Variants in MYH10 observed in about 807,000 individuals in gnomAD.
The protein encoded by MYH10 is myosin heavy chain 10.
Under a neutral mutation model 257.8 loss-of-function variants are expected in MYH10, and 55 were observed. The ratio of observed to expected loss-of-function variants is 0.21; its 90% CI spans 0.17 to 0.27. The LOEUF (loss-of-function observed/expected upper bound fraction) is 0.27. Among genes scored for constraint, MYH10 ranks in the 10% least tolerant of loss-of-function variants. The pLI, the probability that MYH10 is intolerant of heterozygous loss-of-function variation, is 1.00. For missense variants in MYH10, 1,631 were observed against 2,500.6 expected (o/e 0.65, Z 7.42); for synonymous variants, 854 against 921.7 (o/e 0.93, Z 1.33).
chr17:8,556,559 A>G (rs1475011072), intron 7 of MYH10, among the ~76,000 whole-genome samples: 1 of 152,234 alleles, frequency 6.6e-6, no homozygotes, highest in Non-Finnish European at 1.5e-5. Flanking sequence ...GACATGCCAG[A>G]CGTTACTGAA....
intron 1 of MYH10, among the ~76,000 whole-genome samples, chr17:8,630,163 C>G (rs1052758615): frequency 6.6e-6 from 1 of 151,758 alleles, no homozygotes; most frequent in Non-Finnish European, 1.5e-5. Flanking sequence ...TTTCCAGCCC[C>G]GCTTAGAATC....
At chr17:8,539,054 T>G (rs975192813) in intron 14 of MYH10, among the ~76,000 whole-genome samples, 2 of 152,166 alleles carry the variant, frequency 1.3e-5, no homozygotes, top group African/African-American at 4.8e-5. Flanking sequence ...CCATTTCTTA[T>G]GAGCCCCCCC....
intron 7 of MYH10, among the ~76,000 whole-genome samples, chr17:8,564,994 C>A (rs546034198): frequency 6.6e-6 from 1 of 152,132 alleles, no homozygotes; most frequent in Non-Finnish European, 1.5e-5. Flanking sequence ...TTGGCCTGGA[C>A]GTGGGCCATG....
At position 8,487,604 on chromosome 17, in the gene MYH10, A is replaced by G. The variant is rs753853808; in HGVS notation, c.4885-10T>C. 1 of 1,614,066 alleles carries G rather than the reference A, an allele frequency of 6.2e-7. No individual in the cohort carries two copies. The highest frequency in any genetic ancestry group is 1.3e-5 in the African/African-American group (1 of 75,042). ...CCTCGAGCTCCCGCACCTAATGGAC[A>G]ACATCGGGTTATGCTGGGTTACATC... On this transcript the variant is annotated splice_polypyrimidine_tract_variant and intron_variant, in intron 35 of 42. Coordinates refer to ENST00000360416, the MANE Select transcript of MYH10 (RefSeq NM_001256012.3).
chr17:8,585,894 G>A (rs2083900024), intron 4 of MYH10, among the ~76,000 whole-genome samples: 2 of 152,144 alleles, frequency 1.3e-5, no homozygotes, highest in Admixed American at 1.3e-4. Flanking sequence ...AAGTACTTAG[G>A]GGACAGTGTA....
chr17:8,567,332 A>G (rs140863939), intron 7 of MYH10, among the ~76,000 whole-genome samples: 147 of 152,352 alleles, frequency 9.6e-4, no homozygotes, highest in African/African-American at 3.4e-3. Context: ...AGCTAAATTA[A>G]TTACTAAATG....
At chr17:8,625,809 G>A (rs2085653634) in intron 1 of MYH10, among the ~76,000 whole-genome samples, 1 of 152,150 alleles carries the variant, frequency 6.6e-6, no homozygotes, top group Admixed American at 6.6e-5. Flanking sequence ...TTTCTAACAA[G>A]TTCCCAGATG....
At chr17:8,502,515 C>G (rs968707156) in intron 28 of MYH10, among the ~76,000 whole-genome samples, 13 of 97,856 alleles carry the variant, frequency 1.3e-4, no homozygotes, top group African/African-American at 3.7e-4. Flanking sequence ...TTCCTCATCC[C>G]TACTTAAATC....
chr17:8,622,036 G>A (rs757348615), intron 2 of MYH10, among the ~76,000 whole-genome samples: 5 of 152,130 alleles, frequency 3.3e-5, no homozygotes, highest in Non-Finnish European at 7.4e-5. Flanking sequence ...CTGATTTACT[G>A]AAGTTTTGAA....
At chr17:8,494,628 G>A (rs1222040423) in intron 31 of MYH10, among the ~76,000 whole-genome samples, 1 of 152,048 alleles carries the variant, frequency 6.6e-6, no homozygotes, top group Non-Finnish European at 1.5e-5. Flanking sequence ...AAACTAAGCT[G>A]TAAAACTCCA....
intron 6 of MYH10, among the ~76,000 whole-genome samples, chr17:8,573,388 C>G (rs539307574): frequency 2.6e-5 from 4 of 152,292 alleles, no homozygotes; most frequent in Non-Finnish European, 4.4e-5. Context: ...GGCAGGCTCT[C>G]TATCACCTTT....
intron 36 of MYH10, among the ~76,000 whole-genome samples, chr17:8,486,378 AT>A (rs538707356): frequency 6.2e-4 from 95 of 152,292 alleles, no homozygotes; most frequent in African/African-American, 2.1e-3. Context: ...TATAGTTTAT[AT>A]TCTTTGTAAT....
intron 35 of MYH10, among the ~76,000 whole-genome samples, chr17:8,489,741 ACACACC>A (rs1915466676): frequency 1.3e-5 from 2 of 148,880 alleles, no homozygotes; most frequent in Admixed American, 6.7e-5. Context: ...ACACACACAC[ACACACC>A]CCAAATCCAA....
rs192631079 is a variant in MYH10, at chr17:8,618,916, C to T, written c.345+3986G>A. ...TTTTACCATTGGCAACAAATACAGT[C>T]GGTTGTTTTCTTTGAAGTGACAGGC... On this transcript the variant is annotated intron_variant, in intron 2 of 42. Transcript: ENST00000360416. 3.9e-4 allele frequency among the ~76,000 whole-genome samples: 60 copies of T among 152,284 alleles called. 1 individual carries two copies. The highest frequency in any genetic ancestry group is 1.3e-3 in the African/African-American group (53 of 41,562).
At chr17:8,485,433 A>G (rs899729849) in intron 36 of MYH10, among the ~76,000 whole-genome samples, 1 of 151,354 alleles carries the variant, frequency 6.6e-6, no homozygotes, top group Non-Finnish European at 1.5e-5. Context: ...CATCAACACA[A>G]TAAACTATCA....
chr17:8,481,887 C>T (rs1446558541), intron 37 of MYH10, among the ~76,000 whole-genome samples: 1 of 152,176 alleles, frequency 6.6e-6, no homozygotes, highest in African/African-American at 2.4e-5. Flanking sequence ...ATCAATGCTC[C>T]CATGGAGAGG....
At chr17:8,575,538 T>C (rs1261959274) in intron 6 of MYH10, among the ~76,000 whole-genome samples, 1 of 152,136 alleles carries the variant, frequency 6.6e-6, no homozygotes, top group African/African-American at 2.4e-5. Context: ...AAGGACATCA[T>C]AGGCCTTCAT....
intron 9 of MYH10, among the ~76,000 whole-genome samples, chr17:8,549,729 C>T (rs953801362): frequency 3.9e-5 from 6 of 152,186 alleles, no homozygotes; most frequent in Non-Finnish European, 2.9e-5. Flanking sequence ...TCTCTTTCCA[C>T]GGTCTCCCTC....
At chr17:8,604,052 C>A (rs531957558) in intron 3 of MYH10, among the ~76,000 whole-genome samples, 1 of 152,242 alleles carries the variant, frequency 6.6e-6, no homozygotes, top group East Asian at 1.9e-4. Flanking sequence ...AAAGTGGGTG[C>A]AGCACAGCCC....
Sources: allele counts gnomAD v4.1 joint callset (sites outside exome capture counted in the v4.1 genomes callset), GRCh38; gene constraint gnomAD v4.1.1; transcripts MANE v1.5; gene names NCBI Gene and HGNC (gene_info 2026-07-23, HGNC 2026-07-21).